STK32C: variants seen among roughly 807,000 people sequenced by gnomAD.
The protein encoded by STK32C is serine/threonine kinase 32C, also known as serine/threonine-protein kinase 32C.
STK32C carries 31 observed loss-of-function variants against 56.5 expected under a neutral mutation model. That is an observed-to-expected ratio of 0.55 (90% CI 0.41 to 0.74). The LOEUF is 0.74. Among genes scored for constraint, STK32C ranks in the 30% least tolerant of loss-of-function variants. STK32C has a pLI of 0.00. For missense variants in STK32C, 544 were observed against 676.9 expected (o/e 0.80, Z 2.18); for synonymous variants, 309 against 289.4 (o/e 1.07, Z -0.69).
At chr10:132,303,903 C>T (rs1330069590) in intron 1 of STK32C, among the ~76,000 whole-genome samples, 2 of 152,334 alleles carry the variant, frequency 1.3e-5, no homozygotes, top group Admixed American at 1.3e-4. Flanking sequence ...CCTGCAGGTG[C>T]CTCCCGCCAC....
intron 10 of STK32C, among the ~76,000 whole-genome samples, chr10:132,221,842 T>C (rs1320021614): frequency 1.5e-4 from 18 of 120,172 alleles, no homozygotes; most frequent in South Asian, 3.1e-4. Flanking sequence ...CGCACCTGGG[T>C]GAGTGTGAGG....
At chr10:132,216,324 T>C (rs936523114) in intron 10 of STK32C, among the ~76,000 whole-genome samples, 3 of 151,376 alleles carry the variant, frequency 2.0e-5, no homozygotes, top group Non-Finnish European at 4.4e-5. Context: ...ATTAGCTGGG[T>C]GTGGTGGTGC....
chr10:132,222,972 G>C lies in STK32C; in HGVS notation c.1008C>G (p.Asn336Lys). 1 of 1,550,578 alleles carries C rather than the reference G, an allele frequency of 6.4e-7. No individual in the cohort carries two copies. Among genetic ancestry groups the C allele is most frequent in the Non-Finnish European group, 8.7e-7 (1 of 1,151,860 alleles). Residue 336 changes from asparagine (N) to lysine (K), a missense_variant, in exon 9 of 12, where the codon AAC becomes AAG. Transcript: ENST00000298630. ...VALLRKLLTV[N>K]PEHRLSSLQD... ...GGAGGCTGGAGAGCCGGTGCTCGGG[G>C]TTCACAGTGAGGAGCTGCAACCAGG...
intron 2 of STK32C, among the ~76,000 whole-genome samples, chr10:132,230,018 G>C (rs7916513): frequency 0.27 from 41,579 of 152,002 alleles, 6,687 homozygotes; most frequent in Admixed American, 0.41. Context: ...CCTTGTGTTG[G>C]GGGCTGCCCA....
chr10:132,227,392 C>T (rs1015867496), intron 3 of STK32C, among the ~76,000 whole-genome samples: 1 of 152,208 alleles, frequency 6.6e-6, no homozygotes, highest in African/African-American at 2.4e-5. Flanking sequence ...ATTTAACAAC[C>T]AGCATCCATG....
At chr10:132,266,956 G>T (rs544245185) in intron 1 of STK32C, among the ~76,000 whole-genome samples, 1 of 152,294 alleles carries the variant, frequency 6.6e-6, no homozygotes, top group African/African-American at 2.4e-5. Context: ...GGCCGCAGAG[G>T]AACTGCAGCT....
chr10:132,289,083 G>C (rs913606441), intron 1 of STK32C, among the ~76,000 whole-genome samples: 1 of 152,144 alleles, frequency 6.6e-6, no homozygotes, highest in Non-Finnish European at 1.5e-5. Context: ...AATCAAGACA[G>C]TGTGTTACTG....
intron 2 of STK32C, among the ~76,000 whole-genome samples, chr10:132,238,713 T>G (rs1029711163): frequency 6.6e-6 from 1 of 152,170 alleles, no homozygotes; most frequent in Non-Finnish European, 1.5e-5. Context: ...AGGGGCAGTC[T>G]CTCCAGGGTC....
At chr10:132,220,231 C>T (rs979650427) in intron 10 of STK32C, among the ~76,000 whole-genome samples, 2 of 152,220 alleles carry the variant, frequency 1.3e-5, no homozygotes, top group African/African-American at 2.4e-5. Flanking sequence ...GAGACGCACA[C>T]ACAGGCCGAC....
intron 1 of STK32C, among the ~76,000 whole-genome samples, chr10:132,269,768 T>C (rs1212545669): frequency 6.6e-6 from 1 of 152,202 alleles, no homozygotes; most frequent in Non-Finnish European, 1.5e-5. Flanking sequence ...CTCCCCCGAA[T>C]GCCTGTGGGA....
At chr10:132,244,647 C>T (rs894435560) in intron 2 of STK32C, among the ~76,000 whole-genome samples, 1 of 152,200 alleles carries the variant, frequency 6.6e-6, no homozygotes, top group African/African-American at 2.4e-5. Flanking sequence ...TTTCTGGATG[C>T]CTGGTGACTC....
downstream of STK32C, among the ~76,000 whole-genome samples, chr10:132,322,723 CA>C (rs1283390031): frequency 6.6e-6 from 1 of 152,196 alleles, no homozygotes; most frequent in East Asian, 1.9e-4. Context: ...GGGGAGGAGG[CA>C]CCCTGATCTG....
intron 1 of STK32C, among the ~76,000 whole-genome samples, chr10:132,259,144 C>G (rs934652267): frequency 1.3e-5 from 2 of 152,144 alleles, no homozygotes; most frequent in African/African-American, 4.8e-5. Context: ...CATAGCCAAC[C>G]ATTCTCACCC....
At chr10:132,233,192 G>A (rs1045619238) in intron 2 of STK32C, among the ~76,000 whole-genome samples, 1 of 152,166 alleles carries the variant, frequency 6.6e-6, no homozygotes, top group Non-Finnish European at 1.5e-5. Flanking sequence ...GCTGGAGAAG[G>A]TGTCTGCAGC....
intron 1 of STK32C, among the ~76,000 whole-genome samples, chr10:132,296,792 G>T (rs757110537): frequency 6.6e-6 from 1 of 152,226 alleles, no homozygotes; most frequent in African/African-American, 2.4e-5. Context: ...GAATGGCACC[G>T]ATCAGCAGGC....
chr10:132,320,647 C>T (rs12248478), downstream of STK32C, among the ~76,000 whole-genome samples: 2,374 of 152,208 alleles, frequency 0.016, 62 homozygotes, highest in African/African-American at 0.054. Flanking sequence ...CCTTGGGATG[C>T]GGCCTGGAGT....
At chr10:132,222,559 G>T in intron 10 of STK32C, 82 bp downstream of exon 10, 1 of 1,546,188 alleles carries the variant, frequency 6.5e-7, no homozygotes, top group Admixed American at 1.9e-5. Flanking sequence ...GCTGCCAGGG[G>T]TCCCCACACG....
Position 132,254,257 on chromosome 10 carries a change from C to T in STK32C, c.263-8302G>A, listed in dbSNP as rs560587005. On this transcript the variant is annotated intron_variant, in intron 1 of 11. Coordinates refer to ENST00000298630, the MANE Select transcript of STK32C (RefSeq NM_173575.4). Reference sequence around the variant, plus strand: ...CCGGGAGGCAGAGGTTGCAGTGAGCCAAGATCGCGCCTCTGCACTCCAGCC... The same window carrying T: ...CCGGGAGGCAGAGGTTGCAGTGAGCTAAGATCGCGCCTCTGCACTCCAGCC... Among the ~76,000 whole-genome samples the T allele has an allele frequency of 1.3e-3, 191 of 152,166 alleles. 2 individuals are homozygous for T. Among genetic ancestry groups the T allele is most frequent in the African/African-American group, 4.3e-3 (180 of 41,496 alleles).
At chr10:132,285,465 T>G (rs1243602465) in intron 1 of STK32C, among the ~76,000 whole-genome samples, 2 of 152,228 alleles carry the variant, frequency 1.3e-5, no homozygotes, top group Non-Finnish European at 2.9e-5. Context: ...TTGTAAAAGA[T>G]GTACTTCCTA....
Sources: gnomAD v4.1 joint callset for allele counts (sites outside exome capture counted in the v4.1 genomes callset) on GRCh38, gnomAD v4.1.1 for gene constraint, MANE v1.5 for transcripts, NCBI Gene and HGNC (gene_info 2026-07-23, HGNC 2026-07-21) for gene names.